TRIM27: variants seen among roughly 807,000 people sequenced by gnomAD.
TRIM27 encodes the protein tripartite motif containing 27.
A neutral mutation model predicts 57.6 loss-of-function variants in TRIM27; 12 were observed. The observed-to-expected ratio is 0.21, with a 90% CI of 0.13 to 0.34. The LOEUF (loss-of-function observed/expected upper bound fraction) is 0.34. Ranked by LOEUF, TRIM27 falls within the 10% of genes least tolerant of loss-of-function variation. TRIM27 has a pLI of 1.00. For synonymous variants in TRIM27, 266 were observed against 259.0 expected (o/e 1.03, Z -0.26); for missense variants, 403 against 656.8 (o/e 0.61, Z 4.22).
intron 3 of TRIM27, among the ~76,000 whole-genome samples, chr6:28,914,514 A>G (rs1273658639): frequency 1.4e-5 from 2 of 139,176 alleles, no homozygotes; most frequent in Non-Finnish European, 3.0e-5. Context: ...TTCTATCTGA[A>G]GTTGACTGTC....
chr6:28,923,962 C>T lies in TRIM27; in HGVS notation c.-330G>A. 1 of 355,502 alleles carries T rather than the reference C, an allele frequency of 2.8e-6. No individual in the cohort carries two copies. Among genetic ancestry groups the T allele is most frequent in the Non-Finnish European group, 5.0e-6 (1 of 198,530 alleles). 22.0% of individuals were successfully genotyped at this position (355,502 alleles called of 1,614,324 possible). A position where few individuals can be genotyped will look rare whatever the true frequency, so the allele number is the denominator to read the frequency against. On this transcript the variant is annotated 5_prime_UTR_variant, in exon 1 of 8. Transcript: ENST00000377199. ...AGCGCGCAAGACAACGTGGCCGCGT[C>T]CGAGCGGATGCCGGCGGCAGCGTAA...
intron 4 of TRIM27, chr6:28,911,418 T>G: frequency 5.2e-6 from 2 of 388,278 alleles, no homozygotes; most frequent in Non-Finnish European, 9.1e-6. Flanking sequence ...ACCCTTATAT[T>G]CAGCCCAGGT....
At chr6:28,923,135 G>C (rs1319466636) in intron 1 of TRIM27, 78 bp downstream of exon 1, 3 of 1,422,256 alleles carry the variant, frequency 2.1e-6, no homozygotes, top group Non-Finnish European at 2.8e-6. Context: ...TTTTCTAGGC[G>C]GAAAAAAGGA....
intron 4 of TRIM27, among the ~76,000 whole-genome samples, chr6:28,909,834 T>TA (rs1773050023): frequency 6.6e-6 from 1 of 152,198 alleles, no homozygotes; most frequent in South Asian, 2.1e-4. Context: ...GACTGCCAGT[T>TA]GCCTATCCAA....
chr6:28,923,674 C>T lies in TRIM27; in HGVS notation c.-42G>A. The T allele has an allele frequency of 6.7e-7, 1 of 1,495,860 alleles. No individual in the cohort carries two copies. The allele number at this position is 1,495,860 out of a possible 1,614,324, so 92.7% of individuals were successfully genotyped here. ...GGCGCACGGGCATGGGCCCCGGCGC[C>T]GAGCTCTGCACTGAGCCCAACTCTC... is the stretch of plus-strand genomic sequence containing the variant. On this transcript the variant is annotated 5_prime_UTR_variant, in exon 1 of 8. Coordinates refer to ENST00000377199, the MANE Select transcript of TRIM27 (RefSeq NM_006510.5).
chr6:28,920,653 CAA>C (rs1316959579), intron 2 of TRIM27, among the ~76,000 whole-genome samples: 1 of 152,084 alleles, frequency 6.6e-6, no homozygotes, highest in South Asian at 2.1e-4. Context: ...ATGGCACAGG[CAA>C]AAGAGTGGGG....
rs552677102 is a variant in TRIM27, at chr6:28,906,057, G to C, written c.946+1179C>G. On this transcript the variant is annotated intron_variant, in intron 7 of 7. Coordinates refer to ENST00000377199, the MANE Select transcript of TRIM27 (RefSeq NM_006510.5). Reference sequence around the variant, plus strand: ...ACAAAAAATAAAAGTAAAAAAATTAGGCAAGCATGGTGGTGCATGCCTGTA... The same window carrying C: ...ACAAAAAATAAAAGTAAAAAAATTACGCAAGCATGGTGGTGCATGCCTGTA... 92 of 152,112 alleles carry C rather than the reference G, an allele frequency of 6.0e-4. 2 individuals are homozygous for C. Among genetic ancestry groups the C allele is most frequent in the African/African-American group, 2.0e-3 (82 of 41,490 alleles). 9.4% of individuals were successfully genotyped at this position (152,112 alleles called of 1,614,324 possible). A position where few individuals can be genotyped will look rare whatever the true frequency, so the allele number is the denominator to read the frequency against.
chr6:28,903,957 G>T lies in TRIM27; in HGVS notation c.*113C>A. 1.3e-6 allele frequency: 1 copy of T among 793,356 alleles called. No homozygotes were observed. Among genetic ancestry groups the T allele is most frequent in the Non-Finnish European group, 2.1e-6 (1 of 474,718 alleles). 49.1% of individuals were successfully genotyped at this position (793,356 alleles called of 1,614,324 possible). ...GGACATCCTGTCTCCCACTGCAAGG[G>T]CGTGGAACATGGTAAGGATACCCAG... On this transcript the variant is annotated 3_prime_UTR_variant, in exon 8 of 8. Transcript: ENST00000377199.
At chr6:28,909,211 G>A (rs7746328) in intron 4 of TRIM27, 123 bp from the exon 5 acceptor site, 7,395 of 659,622 alleles carry the variant, frequency 0.011, 75 homozygotes, top group Middle Eastern at 0.035. Flanking sequence ...AGGTTCAAGC[G>A]ATTCTCCTGC....
At position 28,904,208 on chromosome 6, in the gene TRIM27, C is replaced by G; in HGVS notation, c.1404G>C (p.Gly468=). 6.2e-7 allele frequency: 1 copy of G among 1,613,084 alleles called. No homozygotes were observed. The highest frequency in any genetic ancestry group is 8.5e-7 in the Non-Finnish European group (1 of 1,180,030). The change falls in exon 8 of 8, where the codon GGG becomes GGC. Residue 468 remains glycine (G), a synonymous_variant. Coordinates refer to ENST00000377199, the MANE Select transcript of TRIM27 (RefSeq NM_006510.5). The surrounding 1 kb of genome is among the most constrained non-coding windows in gnomAD (Gnocchi z 6.1). ...TFTFSHATFC[G]PVRPYFSLSY... ...TCAGACTGAAGTAGGGCCGGACAGG[C>G]CCACAAAAGGTAGCATGAGAGAAAG...
In TRIM27 at chr6:28,923,356, T is replaced by C; in HGVS notation, c.277A>G (p.Met93Val). 2 of 1,611,840 alleles carry C rather than the reference T, an allele frequency of 1.2e-6. No individual in the cohort carries two copies. The highest frequency in any genetic ancestry group is 1.7e-6 in the Non-Finnish European group (2 of 1,179,662). The change falls in exon 1 of 8, where the codon ATG (methionine) becomes GTG (valine). Residue 93 changes from methionine to valine, a missense_variant. Physicochemically the swap from Met to Val is conservative, Grantham distance 21. Transcript: ENST00000377199. ...TERPSGPGGE[M>V]GVCEKHREPL... ...TCGCGGTGCTTCTCGCACACGCCCATCTCGCCGCCGGGCCCCGACGGCCGC... is the reference window on the plus strand; with the variant it reads ...TCGCGGTGCTTCTCGCACACGCCCACCTCGCCGCCGGGCCCCGACGGCCGC...
chr6:28,907,167 AT>A, intron 7 of TRIM27, 68 bp downstream of exon 7: 1 of 1,413,804 alleles, frequency 7.1e-7, no homozygotes, highest in Non-Finnish European at 9.8e-7. Flanking sequence ...CAAATCATTC[AT>A]AATAGTAGTT....
chr6:28,909,134 A>T, intron 4 of TRIM27, 46 bp from the exon 5 acceptor site: 1 of 1,389,068 alleles, frequency 7.2e-7, no homozygotes, highest in Non-Finnish European at 1.0e-6. Context: ...TTTGAGATGG[A>T]GTTTCGCTTG....
At position 28,907,542 on chromosome 6, in the gene TRIM27, C is replaced by T. The variant is rs1215439530; in HGVS notation, c.920-280G>A. ...AACTGAGCCAAGATCAAGAATTCCA[C>T]CTTCCAGTGAGTCAGCTGATTCTGC... is the stretch of plus-strand genomic sequence containing the variant. On this transcript the variant is annotated intron_variant, in intron 6 of 7. Coordinates refer to ENST00000377199, the MANE Select transcript of TRIM27 (RefSeq NM_006510.5). The T allele has an allele frequency of 7.6e-6, 5 of 660,450 alleles. No individual in the cohort carries two copies. In the Admixed American group the frequency reaches 8.3e-5, roughly 11 times the overall value. 40.9% of individuals were successfully genotyped at this position (660,450 alleles called of 1,614,324 possible). A position where few individuals can be genotyped will look rare whatever the true frequency, so the allele number is the denominator to read the frequency against.
At chr6:28,913,189 A>T (rs1773335987) in intron 3 of TRIM27, among the ~76,000 whole-genome samples, 1 of 150,402 alleles carries the variant, frequency 6.6e-6, no homozygotes, top group Non-Finnish European at 1.5e-5. Flanking sequence ...CGGGAGGCAG[A>T]GGTTGCGGTA....
chr6:28,921,843 G>A, intron 2 of TRIM27, 49 bp downstream of exon 2: 1 of 1,415,890 alleles, frequency 7.1e-7, no homozygotes, highest in Non-Finnish European at 1.0e-6. Flanking sequence ...CAGCTCTACA[G>A]AAGAGGAGAG....
chr6:28,922,462 T>C (rs1325615837), intron 1 of TRIM27, among the ~76,000 whole-genome samples: 3 of 152,172 alleles, frequency 2.0e-5, no homozygotes, highest in African/African-American at 7.2e-5. Context: ...AGCTGAAAGG[T>C]CCATAAATGT....
In TRIM27 at chr6:28,904,807, T is replaced by C; in HGVS notation, c.947-142A>G. 1 of 617,712 alleles carries C rather than the reference T, an allele frequency of 1.6e-6. No homozygotes were observed. Among genetic ancestry groups the C allele is most frequent in the East Asian group, 2.8e-5 (1 of 36,260 alleles). The allele number at this position is 617,712 out of a possible 1,614,324, so 38.3% of individuals were successfully genotyped here. A position where few individuals can be genotyped will look rare whatever the true frequency, so the allele number is the denominator to read the frequency against. On this transcript the variant is annotated intron_variant, in intron 7 of 7. Transcript: ENST00000377199. This position sits in a 1 kb window ranked among gnomAD's most constrained non-coding sequence, Gnocchi z 6.1. ...TTTTATTTAGAATATATTCTAAACT[T>C]CACATTTCAAAAATTACTGCTTGGA...
At chr6:28,920,898 G>GTAATCCA (rs1406618751) in intron 2 of TRIM27, among the ~76,000 whole-genome samples, 10 of 152,170 alleles carry the variant, frequency 6.6e-5, no homozygotes, top group Non-Finnish European at 1.5e-4. Flanking sequence ...CCCTTCATAT[G>GTAATCCA]TAATCCATAC....
Sources: allele counts gnomAD v4.1 joint callset (sites outside exome capture counted in the v4.1 genomes callset), GRCh38; gene constraint gnomAD v4.1.1; non-coding constraint Gnocchi (gnomAD v3.1); transcripts MANE v1.5; gene names NCBI Gene and HGNC (gene_info 2026-07-23, HGNC 2026-07-21).